Variants in PDE4D observed in about 807,000 individuals in gnomAD.
PDE4D encodes phosphodiesterase 4D.
In PDE4D, 24 loss-of-function variants were observed where a neutral mutation model predicts 87.4. The observed-to-expected ratio is 0.27, with a 90% CI of 0.20 to 0.39. The LOEUF is 0.39. PDE4D is among the 10% of genes least tolerant of loss of function. The pLI, the probability that PDE4D is intolerant of heterozygous loss-of-function variation, is 1.00. For missense variants in PDE4D, 714 were observed against 1,041.0 expected, an observed-to-expected ratio of 0.69 and a Z score of 4.32; for synonymous variants, 384 against 383.2, an observed-to-expected ratio of 1.00 and a Z score of -0.02.
At chr5:59,941,442 C>T (rs998244302) in intron 3 of PDE4D, among the ~76,000 whole-genome samples, 7 of 152,224 alleles carry the variant, frequency 4.6e-5, no homozygotes, top group Admixed American at 1.3e-4. Flanking sequence ...CTGGTTCTCT[C>T]CTGCAAACTA....
intron 5 of PDE4D, among the ~76,000 whole-genome samples, chr5:59,057,499 G>A (rs771231611): frequency 6.6e-6 from 1 of 152,174 alleles, no homozygotes; most frequent in Non-Finnish European, 1.5e-5. Context: ...CTATGATGAT[G>A]AATTTTATAT....
At chr5:59,826,195 G>C in intron 1 of PDE4D, among the ~76,000 whole-genome samples, 1 of 152,132 alleles carries the variant, frequency 6.6e-6, no homozygotes, top group Non-Finnish European at 1.5e-5. Flanking sequence ...ACTCCTTCAA[G>C]TTTGGGCCTT....
At chr5:60,250,951 A>G (rs78060829) in intron 1 of PDE4D, among the ~76,000 whole-genome samples, 1,550 of 152,030 alleles carry the variant, frequency 0.01, 32 homozygotes, top group African/African-American at 0.035. Flanking sequence ...AGACAGTGAT[A>G]TTGTTGATAC....
chr5:60,164,578 T>C (rs1782728731), intron 2 of PDE4D, among the ~76,000 whole-genome samples: 1 of 152,204 alleles, frequency 6.6e-6, no homozygotes, highest in South Asian at 2.1e-4. Context: ...TCACTACTTA[T>C]AAGCAAATAT....
At chr5:59,693,509 C>T (rs796281728) in intron 1 of PDE4D, among the ~76,000 whole-genome samples, 21 of 152,250 alleles carry the variant, frequency 1.4e-4, no homozygotes, top group African/African-American at 4.8e-4. Flanking sequence ...AAGAAAATCA[C>T]AACTATTTGC....
intron 1 of PDE4D, among the ~76,000 whole-genome samples, chr5:59,668,169 T>C (rs1580281394): frequency 6.6e-6 from 1 of 152,134 alleles, no homozygotes; most frequent in South Asian, 2.1e-4. Context: ...TAATTGGGAG[T>C]AAAGGGAGAA....
chr5:59,665,254 T>C (rs950857061), intron 1 of PDE4D, among the ~76,000 whole-genome samples: 3 of 152,236 alleles, frequency 2.0e-5, no homozygotes, highest in Non-Finnish European at 4.4e-5. Flanking sequence ...CCAATACTAA[T>C]GGACAGACTT....
At chr5:60,385,425 A>G (rs1762133762) in intron 1 of PDE4D, among the ~76,000 whole-genome samples, 1 of 152,200 alleles carries the variant, frequency 6.6e-6, no homozygotes, top group Admixed American at 6.5e-5. Context: ...CAAGGATGTT[A>G]ACTTCTGGTG....
chr5:59,223,366 G>T (rs1752985267), intron 1 of PDE4D, among the ~76,000 whole-genome samples: 1 of 151,968 alleles, frequency 6.6e-6, no homozygotes, highest in Admixed American at 6.6e-5. Flanking sequence ...TGTAGCTTGG[G>T]GACCTCAGGT....
chr5:59,007,247 A>T (rs1025468514), intron 6 of PDE4D, among the ~76,000 whole-genome samples: 4 of 152,190 alleles, frequency 2.6e-5, no homozygotes, highest in African/African-American at 9.7e-5. Flanking sequence ...ATCAATCTAC[A>T]TTTATTTTAC....
At chr5:60,066,191 A>G (rs922627961) in intron 2 of PDE4D, among the ~76,000 whole-genome samples, 3 of 152,066 alleles carry the variant, frequency 2.0e-5, no homozygotes, top group African/African-American at 4.8e-5. Flanking sequence ...GCCAGTGATG[A>G]TGAGCATTTT....
chr5:59,174,344 C>G (rs1474397455), intron 5 of PDE4D: 1 of 152,492 alleles, frequency 6.6e-6, no homozygotes, highest in African/African-American at 2.4e-5. Context: ...GGAATGAAGA[C>G]TTAGACCAAT....
chr5:60,204,543 A>G (rs894507610), intron 1 of PDE4D, among the ~76,000 whole-genome samples: 4 of 146,194 alleles, frequency 2.7e-5, no homozygotes, highest in Non-Finnish European at 6.2e-5. Context: ...TTCAAAATCA[A>G]TGGGCTGGAT....
In PDE4D at chr5:59,758,221, C is replaced by T. The variant is rs146029859; in HGVS notation, c.455+134947G>A. 9.2e-5 allele frequency among the ~76,000 whole-genome samples: 14 copies of T among 152,228 alleles called. No homozygotes were observed. In the East Asian group the frequency reaches 2.3e-3, roughly 25 times the overall value. ...GGTTATGTAAGAACTTTTTCTGGGC[C>T]TCAGCAGCTGCATATGTAAAGTACG... On this transcript the variant is annotated intron_variant, in intron 1 of 14. Transcript: ENST00000340635.
At chr5:60,148,306 TG>T (rs1346697087) in intron 2 of PDE4D, among the ~76,000 whole-genome samples, 1 of 152,100 alleles carries the variant, frequency 6.6e-6, no homozygotes, top group African/African-American at 2.4e-5. Context: ...TTTAACCAAC[TG>T]GGGATTAAAA....
intron 1 of PDE4D, among the ~76,000 whole-genome samples, chr5:59,689,198 G>A (rs1750461132): frequency 6.6e-6 from 1 of 152,084 alleles, no homozygotes; most frequent in Non-Finnish European, 1.5e-5. Flanking sequence ...GAAAAAGAGG[G>A]AATCCTCCCT....
At chr5:60,197,766 A>G (rs1741437874) in intron 1 of PDE4D, among the ~76,000 whole-genome samples, 1 of 151,704 alleles carries the variant, frequency 6.6e-6, no homozygotes, top group Non-Finnish European at 1.5e-5. Flanking sequence ...GTTAATTAAA[A>G]GAAACATAAA....
chr5:59,161,953 C>A (rs1261449473), intron 5 of PDE4D, among the ~76,000 whole-genome samples: 1 of 152,086 alleles, frequency 6.6e-6, no homozygotes, highest in Non-Finnish European at 1.5e-5. Context: ...TAGAGAAGCA[C>A]CTAAGGGGAT....
chr5:59,862,535 T>G (rs1746433192), intron 1 of PDE4D, among the ~76,000 whole-genome samples: 1 of 152,120 alleles, frequency 6.6e-6, no homozygotes, highest in Admixed American at 6.5e-5. Context: ...GATGCTAGTT[T>G]TGCCACCTTT....
Sources: allele counts gnomAD v4.1 joint callset (sites outside exome capture counted in the v4.1 genomes callset), GRCh38; gene constraint gnomAD v4.1.1; transcripts MANE v1.5; gene names NCBI Gene and HGNC (gene_info 2026-07-23, HGNC 2026-07-21).